The following SPAG16 variants were observed in gnomAD, a reference collection of about 807,000 sequenced individuals.
The protein encoded by SPAG16 is sperm-associated antigen 16 protein.
SPAG16 carries 86 observed loss-of-function variants against 80.4 expected under a neutral mutation model. The observed-to-expected ratio is 1.07, with a 90% CI of 0.90 to 1.28. The LOEUF is 1.28. Ranked by LOEUF, SPAG16 falls within the 50% of genes most tolerant of loss-of-function variation. The probability of loss-of-function intolerance (pLI) is 0.00; values close to 1 mark genes in which losing one functional copy is unlikely to be tolerated. For missense variants in SPAG16, 870 were observed against 765.3 expected, an observed-to-expected ratio of 1.14 and a Z score of -1.61; for synonymous variants, 294 against 265.9, an observed-to-expected ratio of 1.11 and a Z score of -1.03.
intron 11 of SPAG16, chr2:213,924,096 G>A (rs1009759670): frequency 1.3e-5 from 2 of 152,366 alleles, no homozygotes; most frequent in African/African-American, 4.8e-5. Context: ...CTAGAAGCTG[G>A]TGCTGAGCCC....
At chr2:213,550,371 GC>G (rs2076744708) in intron 10 of SPAG16, among the ~76,000 whole-genome samples, 2 of 151,658 alleles carry the variant, frequency 1.3e-5, no homozygotes, top group African/African-American at 4.8e-5. Flanking sequence ...CAAATTATGC[GC>G]TTTTAATGTA....
chr2:213,860,521 G>A (rs553541023), intron 10 of SPAG16, among the ~76,000 whole-genome samples: 4 of 132,138 alleles, frequency 3.0e-5, no homozygotes, highest in African/African-American at 5.2e-5. Flanking sequence ...ATGTATCTAT[G>A]CCAGTGTTAG....
At chr2:213,539,412 C>G (rs918617687) in intron 10 of SPAG16, among the ~76,000 whole-genome samples, 1 of 152,124 alleles carries the variant, frequency 6.6e-6, no homozygotes, top group African/African-American at 2.4e-5. Context: ...TGAAATTTAG[C>G]TGGCCAAAAA....
intron 9 of SPAG16, among the ~76,000 whole-genome samples, chr2:213,405,424 C>A (rs537902674): frequency 4.4e-4 from 67 of 152,130 alleles, no homozygotes; most frequent in Non-Finnish European, 9.0e-4. Context: ...ATGATCAAAT[C>A]TGGGTAAATG....
chr2:213,343,452 CA>C (rs2064801866), intron 6 of SPAG16, among the ~76,000 whole-genome samples: 1 of 151,714 alleles, frequency 6.6e-6, no homozygotes, highest in Non-Finnish European at 1.5e-5. Flanking sequence ...GTCCAACATA[CA>C]ATAAATAAAT....
At chr2:213,967,214 C>G (rs1216656156) in intron 12 of SPAG16, among the ~76,000 whole-genome samples, 1 of 152,202 alleles carries the variant, frequency 6.6e-6, no homozygotes. Context: ...GGTCCTACCA[C>G]TATTTCACCT....
chr2:213,609,543 T>G (rs2061375085), intron 10 of SPAG16, among the ~76,000 whole-genome samples: 1 of 152,220 alleles, frequency 6.6e-6, no homozygotes, highest in Admixed American at 6.5e-5. Context: ...CCTCTTGCAC[T>G]CATGAACAGC....
At chr2:213,563,467 C>A (rs1248817085) in intron 10 of SPAG16, among the ~76,000 whole-genome samples, 1 of 152,138 alleles carries the variant, frequency 6.6e-6, no homozygotes, top group African/African-American at 2.4e-5. Flanking sequence ...AATCAGAGTC[C>A]CAGCATGGCT....
intron 10 of SPAG16, among the ~76,000 whole-genome samples, chr2:213,518,198 G>T (rs2075516471): frequency 6.6e-6 from 1 of 152,162 alleles, no homozygotes; most frequent in South Asian, 2.1e-4. Flanking sequence ...ATGAAAACAT[G>T]CTCATCATCT....
chr2:213,802,318 C>G (rs1250403930), intron 10 of SPAG16, among the ~76,000 whole-genome samples: 1 of 152,044 alleles, frequency 6.6e-6, no homozygotes, highest in Non-Finnish European at 1.5e-5. Context: ...TACCATTTTG[C>G]CTAAAACCAG....
intron 11 of SPAG16, among the ~76,000 whole-genome samples, chr2:213,922,577 G>A (rs2078274404): frequency 1.3e-5 from 2 of 152,164 alleles, no homozygotes; most frequent in African/African-American, 4.8e-5. Flanking sequence ...GAAATAGTAT[G>A]ATTATTTAGA....
chr2:214,088,861 A>G (rs1177896110), intron 13 of SPAG16, among the ~76,000 whole-genome samples: 1 of 152,102 alleles, frequency 6.6e-6, no homozygotes, highest in East Asian at 1.9e-4. Context: ...TGCTCACTGT[A>G]TAAAGCTAGT....
chr2:214,313,101 T>C (rs546456577), intron 15 of SPAG16, among the ~76,000 whole-genome samples: 112 of 152,226 alleles, frequency 7.4e-4, no homozygotes, highest in African/African-American at 2.5e-3. Context: ...TAGATAAAAT[T>C]GTTTTCAGTA....
chr2:213,788,173 T>C (rs982524752), intron 10 of SPAG16, among the ~76,000 whole-genome samples: 1 of 151,956 alleles, frequency 6.6e-6, no homozygotes, highest in African/African-American at 2.4e-5. Flanking sequence ...TAAGTACAAA[T>C]GTGCTATTGT....
chr2:214,402,007 A>G (rs893751772), intron 15 of SPAG16, among the ~76,000 whole-genome samples: 1 of 151,952 alleles, frequency 6.6e-6, no homozygotes, highest in African/African-American at 2.4e-5. Context: ...TTATATATCC[A>G]CAGTTACCTT....
chr2:214,067,451 A>G (rs529046547), intron 13 of SPAG16, among the ~76,000 whole-genome samples: 6 of 152,272 alleles, frequency 3.9e-5, no homozygotes, highest in South Asian at 4.1e-4. Flanking sequence ...AATCAGCTCT[A>G]CTGCATGCAT....
chr2:213,295,583 C>T (rs1402676093), intron 1 of SPAG16, among the ~76,000 whole-genome samples: 2 of 151,784 alleles, frequency 1.3e-5, no homozygotes, highest in East Asian at 1.9e-4. Context: ...TATTGGCGTG[C>T]ATTTGTTTTG....
chr2:214,094,697 A>G (rs1209663190), intron 13 of SPAG16, among the ~76,000 whole-genome samples: 1 of 152,114 alleles, frequency 6.6e-6, no homozygotes, highest in African/African-American at 2.4e-5. Context: ...ATTATGGACT[A>G]ATGACCCTTT....
chr2:214,140,528 T>C (rs1004003223), intron 14 of SPAG16, among the ~76,000 whole-genome samples: 4 of 152,088 alleles, frequency 2.6e-5, no homozygotes, highest in African/African-American at 9.6e-5. Flanking sequence ...TCTATCATTC[T>C]GATGGACTTG....
Sources: allele counts gnomAD v4.1 joint callset (sites outside exome capture counted in the v4.1 genomes callset), GRCh38; gene constraint gnomAD v4.1.1; transcripts MANE v1.5; gene names NCBI Gene and HGNC (gene_info 2026-07-23, HGNC 2026-07-21).